Variants in TTN observed in about 807,000 individuals in gnomAD.
The protein encoded by TTN is connectin.
In TTN, 1,525 loss-of-function variants were observed where a neutral mutation model predicts 3,223.0. The ratio of observed to expected loss-of-function variants is 0.47; its 90% CI spans 0.45 to 0.49. The LOEUF (loss-of-function observed/expected upper bound fraction) is 0.49, where lower values mean the gene tolerates loss of function less well. Ranked by LOEUF, TTN falls within the 20% of genes least tolerant of loss-of-function variation. TTN has a pLI of 0.00. For missense variants in TTN, 40,786 were observed against 43,424.0 expected (o/e 0.94, Z 5.40); for synonymous variants, 14,094 against 15,161.0 (o/e 0.93, Z 5.17).
intron 161 of TTN, 31 bp downstream of exon 161, chr2:178,667,411 C>G (rs1289661096): frequency 6.3e-7 from 1 of 1,583,040 alleles, no homozygotes; most frequent in Non-Finnish European, 8.6e-7. Flanking sequence ...GCTAAAGATA[C>G]TCATCTGGGT....
At position 178,608,818 on chromosome 2, in the gene TTN, C is replaced by G; in HGVS notation, c.52193G>C (p.Gly17398Ala). 6.2e-7 allele frequency: 1 copy of G among 1,612,454 alleles called. No homozygotes were observed. Residue 17398 changes from glycine (G) to alanine (A), a missense_variant, in exon 274 of 363, where the codon GGC becomes GCC. Transcript: ENST00000589042. ...CKWEPPLDDG[G>A]SEIINYTLEK... ...CAAAGTGTAGTTTATGATTTCACTG[C>G]CACCATCATCAAGGGGTGGTTCCCA... is the stretch of plus-strand genomic sequence containing the variant.
Position 178,624,571 on chromosome 2 carries a change from A to G in TTN, c.44709T>C (p.Asp14903=). 1.9e-6 allele frequency: 3 copies of G among 1,612,782 alleles called. No homozygotes were observed. The highest frequency in any genetic ancestry group is 1.1e-5 in the South Asian group (1 of 91,058). ...GTATAACAAGTTTTCTGACCCTGCC[A>G]TCAGCAACAATTTCATACTTCTTGC... ...LKSKKYEIVA[D]GRVRKLVIHD... The change falls in exon 242 of 363, where the codon GAT becomes GAC. Residue 14903 remains aspartate (D), a synonymous_variant. Coordinates refer to ENST00000589042, the MANE Select transcript of TTN (RefSeq NM_001267550.2).
chr2:178,603,770 A>C lies in TTN; in HGVS notation c.54811+106T>G, dbSNP rs943349784. 3.5e-6 allele frequency: 4 copies of C among 1,128,262 alleles called. No homozygotes were observed. In the African/African-American group the frequency reaches 6.3e-5, roughly 18 times the overall value. The allele number at this position is 1,128,262 out of a possible 1,614,324, so 69.9% of individuals were successfully genotyped here. A position where few individuals can be genotyped will look rare whatever the true frequency, so the allele number is the denominator to read the frequency against. Reference sequence around the variant, plus strand: ...AACATGAACCTTTTTTATTTTAATAAATAAAATAATTTGGCATAGAAAAAT... The same window carrying C: ...AACATGAACCTTTTTTATTTTAATACATAAAATAATTTGGCATAGAAAAAT... On this transcript the variant is annotated intron_variant, in intron 282 of 362. Coordinates refer to ENST00000589042, the MANE Select transcript of TTN (RefSeq NM_001267550.2).
chr2:178,716,603 GC>G (rs1159759602), intron 88 of TTN, among the ~76,000 whole-genome samples: 2 of 152,100 alleles, frequency 1.3e-5, no homozygotes, highest in Non-Finnish European at 2.9e-5. Context: ...TTACTCCCCA[GC>G]CCCTGACCTC....
rs1220495372 is a variant in TTN, at chr2:178,728,758, T to C, written c.19168A>G (p.Lys6390Glu). 1 of 1,601,456 alleles carries C rather than the reference T, an allele frequency of 6.2e-7. No individual in the cohort carries two copies. The highest frequency in any genetic ancestry group is 1.7e-5 in the Admixed American group (1 of 59,662). Reference sequence around the variant, plus strand: ...TCCGTAACATCAACTGATTTAGCTTTCTCTACGATTTGAGCTGGTTCTGTA... The same window carrying C: ...TCCGTAACATCAACTGATTTAGCTTCCTCTACGATTTGAGCTGGTTCTGTA... Reference protein sequence around the residue: ...LVQEPAQIVEKAKSVDVTEKD... With the variant: ...LVQEPAQIVEEAKSVDVTEKD... The change falls in exon 66 of 363, where the codon AAA becomes GAA. Residue 6390 changes from lysine to glutamate, a missense_variant. Physicochemically the swap from Lys to Glu is moderately conservative, Grantham distance 56. Transcript: ENST00000589042.
rs375571785 is a variant in TTN, at chr2:178,729,145, A to C, written c.18893T>G (p.Ile6298Arg). 6.3e-7 allele frequency: 1 copy of C among 1,590,620 alleles called. No individual in the cohort carries two copies. Among genetic ancestry groups the C allele is most frequent in the South Asian group, 1.2e-5 (1 of 86,530 alleles). Residue 6298 changes from isoleucine to arginine, a missense_variant, in exon 65 of 363, where the codon ATA (isoleucine) becomes AGA (arginine). Coordinates refer to ENST00000589042, the MANE Select transcript of TTN (RefSeq NM_001267550.2). ...LKEPPSFIKK[I>R]ENTTTVLKSS... ...TTTCAAAACAGTAGTGGTATTTTCTATCTTCTTAATGAATGATGGTGGTTC... is the reference window on the plus strand; with the variant it reads ...TTTCAAAACAGTAGTGGTATTTTCTCTCTTCTTAATGAATGATGGTGGTTC...
Position 178,607,086 on chromosome 2 carries a change from G to A in TTN, c.53516C>T (p.Ala17839Val). ...AGGGCCACAGCCAAACTTGTTCTTG[G>A]CAATAACACGGAACTTATATTCTTG... is the stretch of plus-strand genomic sequence containing the variant. ...EGQEYKFRVI[A>V]KNKFGCGPPV... The change falls in exon 278 of 363, where the codon GCC (alanine) becomes GTC (valine). Residue 17839 changes from alanine (A) to valine (V), a missense_variant. Ala to Val is a moderately conservative substitution (Grantham distance 64). Coordinates refer to ENST00000589042, the MANE Select transcript of TTN (RefSeq NM_001267550.2). 1 of 1,612,182 alleles carries A rather than the reference G, an allele frequency of 6.2e-7. No homozygotes were observed.
At chr2:178,749,017 G>A (rs1392218595) in intron 47 of TTN, 18 of 1,612,106 alleles carry the variant, frequency 1.1e-5, no homozygotes, top group East Asian at 4.5e-5. Flanking sequence ...TTTCAAATTC[G>A]ATAATTCTAT....
chr2:178,615,414 A>G lies in TTN; in HGVS notation c.48531T>C (p.Asp16177=), dbSNP rs767234709. ...GTGAACCACCATCATTTTTAGGTGG[A>G]TCCCATGTTAAGAAGATGCTATTGG... ...RTANSIFLTW[D]PPKNDGGSRI... is the part of the protein sequence containing the mutation. The change falls in exon 259 of 363, where the codon GAT becomes GAC. Residue 16177 remains aspartate (D), a synonymous_variant. Coordinates refer to ENST00000589042, the MANE Select transcript of TTN (RefSeq NM_001267550.2). The G allele has an allele frequency of 1.9e-6, 3 of 1,612,618 alleles. No individual in the cohort carries two copies. In the South Asian group the frequency reaches 3.3e-5, roughly 18 times the overall value.
Position 178,543,141 on chromosome 2 carries a change from T to C in TTN, c.96832A>G (p.Arg32278Gly). 2 of 1,612,706 alleles carry C rather than the reference T, an allele frequency of 1.2e-6. No individual in the cohort carries two copies. Among genetic ancestry groups the C allele is most frequent in the Non-Finnish European group, 1.7e-6 (2 of 1,178,952 alleles). ...GACACACCTTTCTCATTTTGTGCCCTTATTCTAAATAAGTATTGTTCACCT... is the reference window on the plus strand; with the variant it reads ...GACACACCTTTCTCATTTTGTGCCCCTATTCTAAATAAGTATTGTTCACCT... ...NEGEQYLFRI[R>G]AQNEKGVSEP... Residue 32278 changes from arginine to glycine, a missense_variant, in exon 347 of 363, where the codon AGG becomes GGG. Transcript: ENST00000589042.
At chr2:178,605,319 AC>A in intron 279 of TTN, 24 bp from the exon 280 acceptor site, 1 of 1,542,700 alleles carries the variant, frequency 6.5e-7, no homozygotes, top group African/African-American at 1.4e-5. Context: ...AGAAAGAAAA[AC>A]AGTAACAAAG....
rs1056550326 is a variant in TTN at position 178,537,217 on chromosome 2, T to C, written c.99892A>G (p.Ile33298Val). The C allele has an allele frequency of 1.2e-6, 2 of 1,608,412 alleles. No individual in the cohort carries two copies. The highest frequency in any genetic ancestry group is 1.7e-6 in the Non-Finnish European group (2 of 1,175,638). Residue 33298 changes from isoleucine to valine, a missense_variant, in exon 356 of 363, where the codon ATT becomes GTT. Transcript: ENST00000589042. The part of the protein sequence containing the change: ...QDKPDKPTGP[I>V]VIEALLKNSA... ...TTCTTCAATAGAGCTTCGATCACAATTGGTCCTGTAGGTTTGTCTGGTTTA... is the reference window on the plus strand; with the variant it reads ...TTCTTCAATAGAGCTTCGATCACAACTGGTCCTGTAGGTTTGTCTGGTTTA...
intron 47 of TTN, chr2:178,746,844 T>C: frequency 1.2e-6 from 2 of 1,613,488 alleles, no homozygotes; most frequent in African/African-American, 1.3e-5. Flanking sequence ...AGAGGTTCAA[T>C]AAAAGATGGA....
rs763393324 is a variant in TTN, at chr2:178,769,907, C to G, written c.8674G>C (p.Glu2892Gln). The change falls in exon 37 of 363, where the codon GAG becomes CAG. Residue 2892 changes from glutamate to glutamine, a missense_variant. By Grantham distance (29) the Glu-to-Gln change is conservative. Transcript: ENST00000589042. ...GAGGCAGTTTTGGTCTCAGGCACCT[C>G]GATATTTTTCATGGTTTTTGTAATA... ...LHITKTMKNI[E>Q]VPETKTASFE... The G allele has an allele frequency of 1.2e-6, 2 of 1,613,778 alleles. No homozygotes were observed. The highest frequency in any genetic ancestry group is 1.3e-5 in the African/African-American group (1 of 74,850).
At position 178,566,524 on chromosome 2, in the gene TTN, T is replaced by TGCTTTACAG. The variant is rs758168398; in HGVS notation, c.79607_79608insCTGTAAAGC (p.Ile26536_Val26537insCysLysAla). ...CTCTCAGGCCAGTCTGTGGAGTAAC[T>TGCTTTACAG]ATTTGCCATTCTTCTTCATCTGCTT... On this transcript the variant is annotated inframe_insertion, in exon 326 of 363. Coordinates refer to ENST00000589042, the MANE Select transcript of TTN (RefSeq NM_001267550.2). 1.2e-6 allele frequency: 2 copies of TGCTTTACAG among 1,613,454 alleles called. No homozygotes were observed. Among genetic ancestry groups the TGCTTTACAG allele is most frequent in the Non-Finnish European group, 1.7e-6 (2 of 1,179,686 alleles).
chr2:178,630,194 C>T (rs2059626355), intron 239 of TTN, 47 bp downstream of exon 239: 2 of 1,608,064 alleles, frequency 1.2e-6, no homozygotes, highest in African/African-American at 1.3e-5. Flanking sequence ...CATTCATTTT[C>T]TGAAAAAGTG....
chr2:178,804,625 C>T lies in TTN; in HGVS notation c.18G>A (p.Pro6=), dbSNP rs755302800. MTTQA[P]TFTQPLQSVV... ...CGCTTTGTAACGGCTGCGTAAACGT[C>T]GGTGCTTGAGTTGTCATCTTTCTAG... The change falls in exon 2 of 363, where the codon CCG becomes CCA. Residue 6 remains proline (P), a synonymous_variant. Transcript: ENST00000589042. 42 of 1,613,744 alleles carry T rather than the reference C, an allele frequency of 2.6e-5. No homozygotes were observed. Among genetic ancestry groups the T allele is most frequent in the South Asian group, 3.3e-5 (3 of 91,040 alleles).
At chr2:178,698,338 A>T (rs2074101059) in intron 112 of TTN, among the ~76,000 whole-genome samples, 1 of 152,198 alleles carries the variant, frequency 6.6e-6, no homozygotes, top group Non-Finnish European at 1.5e-5. Flanking sequence ...AGTTAATAAT[A>T]GTGTACTGTA....
At chr2:178,692,649 G>A (rs2072749667) in intron 119 of TTN, 69 bp from the exon 120 acceptor site, 1 of 1,170,438 alleles carries the variant, frequency 8.5e-7, no homozygotes. Flanking sequence ...GTAAGACTTA[G>A]AATTAAATAG....
Sources: allele counts gnomAD v4.1 joint callset (sites outside exome capture counted in the v4.1 genomes callset), GRCh38; gene constraint gnomAD v4.1.1; transcripts MANE v1.5; gene names NCBI Gene and HGNC (gene_info 2026-07-23, HGNC 2026-07-21).